Variants in AKR1D1 observed in about 807,000 individuals in gnomAD.
AKR1D1 encodes delta(4)-3-ketosteroid 5-beta-reductase.
A neutral mutation model predicts 42.6 loss-of-function variants in AKR1D1; 32 were observed. That is an observed-to-expected ratio of 0.75 (90% CI 0.57 to 1.01). The LOEUF (loss-of-function observed/expected upper bound fraction) is 1.01. AKR1D1 is among the 50% of genes least tolerant of loss of function. The pLI, the probability that AKR1D1 is intolerant of heterozygous loss-of-function variation, is 0.00. For synonymous variants in AKR1D1, 123 were observed against 135.5 expected (o/e 0.91, Z 0.64); for missense variants, 364 against 402.2 (o/e 0.91, Z 0.81).
chr7:138,116,554 C>T, intron 8 of AKR1D1, 66 bp from the exon 9 acceptor site: 1 of 1,542,368 alleles, frequency 6.5e-7, no homozygotes, highest in South Asian at 1.1e-5. Flanking sequence ...TCAAAGGATG[C>T]TATTGAAACA....
chr7:138,092,753 A>T (rs1794108824), intron 3 of AKR1D1, among the ~76,000 whole-genome samples: 1 of 152,214 alleles, frequency 6.6e-6, no homozygotes, highest in South Asian at 2.1e-4. Flanking sequence ...AACATAGAAA[A>T]GGTACAGTAA....
chr7:138,100,108 A>AAAAAAAAAAAAAAAAAAAAAAAAAAAG (rs1794263772), intron 4 of AKR1D1, among the ~76,000 whole-genome samples: 1 of 145,628 alleles, frequency 6.9e-6, no homozygotes, highest in South Asian at 2.1e-4. Context: ...AAAAAAAAAA[A>AAAAAAAAAAAAAAAAAAAAAAAAAAAG]AAAAAAAAAA....
chr7:138,087,428 T>C lies in AKR1D1; in HGVS notation c.94-1173T>C, dbSNP rs74932077. Among the ~76,000 whole-genome samples the C allele has an allele frequency of 3.5e-3, 537 of 152,372 alleles. 2 individuals carry two copies. Among genetic ancestry groups the C allele is most frequent in the Non-Finnish European group, 6.0e-3 (407 of 68,038 alleles). Reference sequence around the variant, plus strand: ...AGGGAACAGGATATGCTCATTCTTATGTTTAACGTGAGTTAATAAAATGAA... The same window carrying C: ...AGGGAACAGGATATGCTCATTCTTACGTTTAACGTGAGTTAATAAAATGAA... On this transcript the variant is annotated intron_variant, in intron 1 of 8. Transcript: ENST00000242375.
At chr7:138,092,869 G>A (rs1794110912) in intron 3 of AKR1D1, among the ~76,000 whole-genome samples, 1 of 152,160 alleles carries the variant, frequency 6.6e-6, no homozygotes, top group Non-Finnish European at 1.5e-5. Context: ...GAGTGAATGT[G>A]AAGGCCTAGG....
Position 138,106,614 on chromosome 7 carries a change from T to G in AKR1D1, c.586T>G (p.Cys196Gly). Residue 196 changes from cysteine to glycine, a missense_variant, in exon 6 of 9, where the codon TGC (cysteine) becomes GGC (glycine). Cys to Gly is a radical substitution (Grantham distance 159, BLOSUM62 -3). Transcript: ENST00000242375. ...KHKPVSNQVE[C>G]HPYFTQPKLL... ...CTCCAATGCAACCACATAGGTTGAG[T>G]GCCATCCGTATTTCACCCAGCCAAA... The G allele has an allele frequency of 6.2e-7, 1 of 1,613,986 alleles. No homozygotes were observed. The highest frequency in any genetic ancestry group is 1.7e-5 in the Admixed American group (1 of 60,024).
chr7:138,102,820 C>T (rs775546214), intron 4 of AKR1D1, among the ~76,000 whole-genome samples: 1 of 151,912 alleles, frequency 6.6e-6, no homozygotes, highest in Non-Finnish European at 1.5e-5. Flanking sequence ...GTTGTGCAAA[C>T]CTCTTCCTAA....
chr7:138,100,088 CAAAAAAAAAA>C (rs59361346), intron 4 of AKR1D1, among the ~76,000 whole-genome samples: 11 of 43,564 alleles, frequency 2.5e-4, no homozygotes, highest in Admixed American at 4.5e-4. Flanking sequence ...GATTTCATCT[CAAAAAAAAAA>C]AAAAAAAAAA....
At chr7:138,114,375 G>C (rs1171004442) in intron 8 of AKR1D1, among the ~76,000 whole-genome samples, 2 of 152,090 alleles carry the variant, frequency 1.3e-5, no homozygotes, top group African/African-American at 2.4e-5. Context: ...CTTTAAAAAA[G>C]AATATAGTTT....
At chr7:138,115,143 C>A (rs1794610660) in intron 8 of AKR1D1, among the ~76,000 whole-genome samples, 1 of 152,074 alleles carries the variant, frequency 6.6e-6, no homozygotes, top group Non-Finnish European at 1.5e-5. Flanking sequence ...AATAATATAT[C>A]ATTAAGTTAA....
rs1023436070 is a variant in AKR1D1 at position 138,096,420 on chromosome 7, C to G, written c.379-1446C>G. ...CATCACATGCTGGAACGAGGAAGGG[C>G]AAAGAGCACAAGAAAGCACCCCTCC... On this transcript the variant is annotated intron_variant, in intron 3 of 8. Transcript: ENST00000242375. 3.3e-5 allele frequency among the ~76,000 whole-genome samples: 5 copies of G among 152,130 alleles called. No individual in the cohort carries two copies. The East Asian group carries it at 9.6e-4, about 29-fold the overall frequency.
intron 2 of AKR1D1, among the ~76,000 whole-genome samples, chr7:138,091,547 C>A (rs1042870461): frequency 6.6e-6 from 1 of 151,812 alleles, no homozygotes; most frequent in Admixed American, 6.6e-5. Flanking sequence ...TGTGTACAAG[C>A]GGCTAGGCAC....
At chr7:138,089,465 C>T (rs986926204) in intron 2 of AKR1D1, among the ~76,000 whole-genome samples, 3 of 150,420 alleles carry the variant, frequency 2.0e-5, no homozygotes, top group African/African-American at 7.4e-5. Flanking sequence ...CTCATAAGGT[C>T]ACCAATCCAA....
At chr7:138,078,496 T>C (rs1477829996) in intron 1 of AKR1D1, among the ~76,000 whole-genome samples, 1 of 152,190 alleles carries the variant, frequency 6.6e-6, no homozygotes, top group Non-Finnish European at 1.5e-5. Flanking sequence ...CAATGGAAAA[T>C]TACTCTTGGA....
At chr7:138,084,331 C>A (rs1311127347) in intron 1 of AKR1D1, among the ~76,000 whole-genome samples, 1 of 138,566 alleles carries the variant, frequency 7.2e-6, no homozygotes, top group Admixed American at 7.7e-5. Flanking sequence ...GGCATGATTA[C>A]GGCTCCCTGC....
At chr7:138,077,349 C>T (rs1802961385) in intron 1 of AKR1D1, among the ~76,000 whole-genome samples, 1 of 152,096 alleles carries the variant, frequency 6.6e-6, no homozygotes, top group Admixed American at 6.6e-5. Context: ...AGTGCTGAGC[C>T]AAAGGGGAAA....
intron 7 of AKR1D1, among the ~76,000 whole-genome samples, chr7:138,112,262 C>T (rs114832966): frequency 0.013 from 1,921 of 152,046 alleles, 43 homozygotes; most frequent in African/African-American, 0.044. Context: ...ATTTTATAGG[C>T]GATTCATTCA....
At chr7:138,102,918 G>A (rs923682342) in intron 4 of AKR1D1, among the ~76,000 whole-genome samples, 1 of 151,900 alleles carries the variant, frequency 6.6e-6, no homozygotes, top group East Asian at 1.9e-4. Flanking sequence ...TACAAACTGG[G>A]GAGCTTTTTT....
intron 8 of AKR1D1, 62 bp from the exon 9 acceptor site, chr7:138,116,558 T>C (rs997056133): frequency 1.3e-5 from 20 of 1,575,694 alleles, no homozygotes; most frequent in Non-Finnish European, 1.6e-5. Flanking sequence ...AGGATGCTAT[T>C]GAAACATACA....
chr7:138,096,955 A>G (rs879337055), intron 3 of AKR1D1, among the ~76,000 whole-genome samples: 2 of 152,128 alleles, frequency 1.3e-5, no homozygotes, highest in African/African-American at 4.8e-5. Context: ...TCTCTGTTCA[A>G]CTGCCTCCCT....
Sources: gnomAD v4.1 joint callset for allele counts (sites outside exome capture counted in the v4.1 genomes callset) on GRCh38, gnomAD v4.1.1 for gene constraint, MANE v1.5 for transcripts, NCBI Gene and HGNC (gene_info 2026-07-23, HGNC 2026-07-21) for gene names.